GNA12: variants seen among roughly 807,000 people sequenced by gnomAD.
GNA12 encodes the protein G protein subunit alpha 12.
A neutral mutation model predicts 26.0 loss-of-function variants in GNA12; 9 were observed. The ratio of observed to expected loss-of-function variants is 0.35; its 90% confidence interval spans 0.21 to 0.60. The LOEUF is 0.60. GNA12 is among the 20% of genes least tolerant of loss of function. The pLI, the probability that GNA12 is intolerant of heterozygous loss-of-function variation, is 0.78. For missense variants in GNA12, 405 were observed against 525.8 expected (o/e 0.77, Z 2.25); for synonymous variants, 264 against 219.6 (o/e 1.20, Z -1.79).
intron 2 of GNA12, among the ~76,000 whole-genome samples, chr7:2,774,560 G>A (rs1198936773): frequency 6.6e-6 from 1 of 152,204 alleles, no homozygotes; most frequent in Non-Finnish European, 1.5e-5. Flanking sequence ...GAGGGGAGCA[G>A]GAGATGGGCT....
At chr7:2,796,477 C>T (rs757129425) in intron 1 of GNA12, among the ~76,000 whole-genome samples, 1 of 152,088 alleles carries the variant, frequency 6.6e-6, no homozygotes, top group African/African-American at 2.4e-5. Context: ...TTGTCATCAT[C>T]ACTGAAATCT....
At chr7:2,791,833 C>A (rs1255250836) in intron 2 of GNA12, among the ~76,000 whole-genome samples, 4 of 152,144 alleles carry the variant, frequency 2.6e-5, no homozygotes, top group Non-Finnish European at 5.9e-5. Context: ...GTCCTACTAT[C>A]TAGCTATTTT....
chr7:2,747,727 A>C (rs1583229840), intron 2 of GNA12, among the ~76,000 whole-genome samples: 1 of 152,356 alleles, frequency 6.6e-6, no homozygotes, highest in African/African-American at 2.4e-5. Flanking sequence ...GAGGAAGTCA[A>C]ATTGTCCCTG....
chr7:2,744,851 C>T (rs982949894), intron 2 of GNA12, among the ~76,000 whole-genome samples: 1 of 152,226 alleles, frequency 6.6e-6, no homozygotes, highest in East Asian at 1.9e-4. Context: ...AAAACCAAGG[C>T]ATGAGAACTA....
chr7:2,732,229 C>T (rs1260396383), intron 3 of GNA12, among the ~76,000 whole-genome samples: 2 of 152,160 alleles, frequency 1.3e-5, no homozygotes, highest in Non-Finnish European at 2.9e-5. Context: ...GGCAAGCATA[C>T]TCTTCACTCA....
intron 2 of GNA12, among the ~76,000 whole-genome samples, chr7:2,738,986 T>G (rs763065541): frequency 1.3e-5 from 2 of 152,114 alleles, no homozygotes; most frequent in Non-Finnish European, 2.9e-5. Context: ...CACCCCTTGG[T>G]CACAGCAGTG....
intron 1 of GNA12, among the ~76,000 whole-genome samples, chr7:2,839,872 G>T (rs1220869880): frequency 2.0e-5 from 3 of 152,102 alleles, no homozygotes; most frequent in Admixed American, 1.3e-4. Context: ...GGTGGTGGGC[G>T]CCTGTAATCC....
intron 1 of GNA12, among the ~76,000 whole-genome samples, chr7:2,837,116 G>T (rs2114979572): frequency 6.7e-6 from 1 of 149,412 alleles, no homozygotes; most frequent in South Asian, 2.1e-4. Flanking sequence ...TCTCTGCCTG[G>T]AAGAAGCAGG....
At chr7:2,812,112 T>A (rs759691287) in intron 1 of GNA12, among the ~76,000 whole-genome samples, 1 of 152,190 alleles carries the variant, frequency 6.6e-6, no homozygotes, top group Non-Finnish European at 1.5e-5. Context: ...TTCAGGCAAC[T>A]CCTCACCAAA....
At chr7:2,835,955 G>T in intron 1 of GNA12, 1 of 501,508 alleles carries the variant, frequency 2.0e-6, no homozygotes, top group South Asian at 1.8e-5. Flanking sequence ...CAGTGGGTGT[G>T]AGCAGATTTG....
At chr7:2,775,815 C>T (rs1311005183) in intron 2 of GNA12, among the ~76,000 whole-genome samples, 1 of 152,250 alleles carries the variant, frequency 6.6e-6, no homozygotes, top group Non-Finnish European at 1.5e-5. Context: ...GAGCCTCCCA[C>T]AGAGCTGGCA....
At chr7:2,783,032 A>C (rs2115438373) in intron 2 of GNA12, among the ~76,000 whole-genome samples, 1 of 152,324 alleles carries the variant, frequency 6.6e-6, no homozygotes, top group Non-Finnish European at 1.5e-5. Flanking sequence ...TCTTTAAACA[A>C]GTTAGGGCAG....
chr7:2,761,175 A>C (rs557776906), intron 2 of GNA12, among the ~76,000 whole-genome samples: 87 of 152,268 alleles, frequency 5.7e-4, no homozygotes, highest in Non-Finnish European at 1.1e-3. Flanking sequence ...TCACCGAGCC[A>C]CCGTGCACGG....
chr7:2,817,818 C>T (rs1793250447), intron 1 of GNA12, among the ~76,000 whole-genome samples: 1 of 152,210 alleles, frequency 6.6e-6, no homozygotes, highest in East Asian at 1.9e-4. Context: ...CAAATGTTGT[C>T]ATCTATTAAT....
At chr7:2,834,147 C>T (rs1033045172) in intron 1 of GNA12, among the ~76,000 whole-genome samples, 2 of 152,228 alleles carry the variant, frequency 1.3e-5, no homozygotes, top group Admixed American at 1.3e-4. Flanking sequence ...AAAGCCACCA[C>T]ATTACAACCA....
At chr7:2,746,768 C>T (rs1310363133) in intron 2 of GNA12, among the ~76,000 whole-genome samples, 2 of 151,970 alleles carry the variant, frequency 1.3e-5, no homozygotes, top group Non-Finnish European at 2.9e-5. Context: ...TGATAGACCG[C>T]TAGCAAGACT....
rs2115487604 is a variant in GNA12, at chr7:2,814,845, GT to G, written c.310-19703del. 2.5e-6 allele frequency: 4 copies of G among 1,591,554 alleles called. No homozygotes were observed. The East Asian group carries it at 9.2e-5, about 37-fold the overall frequency. On this transcript the variant is annotated intron_variant, in intron 1 of 3. Transcript: ENST00000275364. ...TCCTGTGCTCCCGACAGCACCGGGTGTGCACTGCTCCCCTCCACAGCACTCA... is the reference window on the plus strand; with the variant it reads ...TCCTGTGCTCCCGACAGCACCGGGTGGCACTGCTCCCCTCCACAGCACTCA...
At chr7:2,796,102 C>A (rs921205023) in intron 1 of GNA12, among the ~76,000 whole-genome samples, 4 of 144,428 alleles carry the variant, frequency 2.8e-5, no homozygotes, top group African/African-American at 1.2e-4. Flanking sequence ...CTGACCTCAG[C>A]TGATCCGCCC....
chr7:2,737,264 GTTTTGTTTTGTTTTTTTTTTTTTTGT>G (rs1425313169), intron 2 of GNA12, among the ~76,000 whole-genome samples: 4 of 52,452 alleles, frequency 7.6e-5, no homozygotes, highest in Admixed American at 2.3e-4. Context: ...CTATCTCACA[GTTTTGTTTTGTTTTTTTTTTTTTTGT>G]TTTTTTTTTT....
Sources: gnomAD v4.1 joint callset for allele counts (sites outside exome capture counted in the v4.1 genomes callset) on GRCh38, gnomAD v4.1.1 for gene constraint, MANE v1.5 for transcripts, NCBI Gene and HGNC (gene_info 2026-07-23, HGNC 2026-07-21) for gene names.